The following ADAMTS17 variants were observed in gnomAD, a reference collection of about 807,000 sequenced individuals.
ADAMTS17 encodes the protein ADAM metallopeptidase with thrombospondin type 1 motif 17.
ADAMTS17 carries 113 observed loss-of-function variants against 141.5 expected under a neutral mutation model. The ratio of observed to expected loss-of-function variants is 0.80; its 90% confidence interval spans 0.69 to 0.93. The LOEUF (loss-of-function observed/expected upper bound fraction) is 0.93. Among genes scored for constraint, ADAMTS17 ranks in the 40% least tolerant of loss-of-function variants. The pLI is 0.00. For missense variants in ADAMTS17, 1,659 were observed against 1,517.9 expected (o/e 1.09, Z -1.54); for synonymous variants, 768 against 630.6 (o/e 1.22, Z -3.27).
At chr15:100,147,419 A>C (rs2038960510) in intron 10 of ADAMTS17, among the ~76,000 whole-genome samples, 1 of 152,134 alleles carries the variant, frequency 6.6e-6, no homozygotes, top group Admixed American at 6.5e-5. Flanking sequence ...AACCTACTAC[A>C]CACCTAGGCT....
intron 20 of ADAMTS17, among the ~76,000 whole-genome samples, chr15:99,991,425 C>G (rs1473945058): frequency 6.6e-6 from 1 of 152,184 alleles, no homozygotes; most frequent in Non-Finnish European, 1.5e-5. Flanking sequence ...AAAAAAAGCT[C>G]ATCATCACTG....
chr15:100,183,939 C>T (rs1034694527), intron 8 of ADAMTS17, among the ~76,000 whole-genome samples: 2 of 152,154 alleles, frequency 1.3e-5, no homozygotes, highest in South Asian at 4.1e-4. Flanking sequence ...AAAGGCACTT[C>T]CCTGTGTTAC....
At chr15:100,258,326 TC>T in intron 6 of ADAMTS17, among the ~76,000 whole-genome samples, 1 of 152,332 alleles carries the variant, frequency 6.6e-6, no homozygotes, top group South Asian at 2.1e-4. Context: ...CATTTTACAT[TC>T]CCATCGATGG....
At chr15:100,180,257 C>T (rs994798196) in intron 8 of ADAMTS17, among the ~76,000 whole-genome samples, 6 of 152,202 alleles carry the variant, frequency 3.9e-5, no homozygotes, top group African/African-American at 1.4e-4. Context: ...TTCCCAGCCC[C>T]ACTTATTGAG....
chr15:100,041,635 C>T (rs1253040598), intron 18 of ADAMTS17, among the ~76,000 whole-genome samples: 1 of 152,194 alleles, frequency 6.6e-6, no homozygotes, highest in East Asian at 1.9e-4. Flanking sequence ...GCCATGCCTG[C>T]CAATGTCAGG....
chr15:100,164,954 G>A (rs1012300631), intron 8 of ADAMTS17, among the ~76,000 whole-genome samples: 5 of 152,164 alleles, frequency 3.3e-5, no homozygotes, highest in African/African-American at 4.8e-5. Context: ...CTCTCCATAG[G>A]AAGGGGATGA....
chr15:100,233,330 C>CA (rs34011548), intron 7 of ADAMTS17, among the ~76,000 whole-genome samples: 46,416 of 137,292 alleles, frequency 0.34, 7,684 homozygotes, highest in African/African-American at 0.43. Flanking sequence ...AACTCCATCT[C>CA]AAAAAAAAAA....
At chr15:100,112,967 A>G (rs1479628398) in intron 13 of ADAMTS17, among the ~76,000 whole-genome samples, 1 of 152,088 alleles carries the variant, frequency 6.6e-6, no homozygotes, top group African/African-American at 2.4e-5. Flanking sequence ...CAGCAGTTAG[A>G]AGGTCTTAGT....
chr15:100,161,671 C>G (rs1482433831), intron 8 of ADAMTS17, among the ~76,000 whole-genome samples: 2 of 152,200 alleles, frequency 1.3e-5, no homozygotes, highest in East Asian at 3.8e-4. Context: ...AGGGGAAATT[C>G]TCCAGTCAGT....
At chr15:99,975,529 C>T (rs1048347368) in intron 21 of ADAMTS17, among the ~76,000 whole-genome samples, 1 of 152,058 alleles carries the variant, frequency 6.6e-6, no homozygotes, top group African/African-American at 2.4e-5. Context: ...AAGTGCTCTT[C>T]TTCTCCTTGT....
intron 21 of ADAMTS17, 48 bp from the exon 22 acceptor site, chr15:99,974,610 A>G (rs370976322): frequency 6.0e-5 from 96 of 1,611,160 alleles, no homozygotes; most frequent in Middle Eastern, 1.6e-4. Context: ...TGGCCTAGGC[A>G]TGTCCTGATG....
At chr15:100,137,411 A>G (rs73470029) in intron 10 of ADAMTS17, among the ~76,000 whole-genome samples, 2,126 of 152,322 alleles carry the variant, frequency 0.014, 45 homozygotes, top group African/African-American at 0.047. Context: ...AAGAACTTCC[A>G]AAGGTAAAAT....
chr15:100,057,462 G>A (rs894458292), intron 15 of ADAMTS17, among the ~76,000 whole-genome samples: 9 of 152,148 alleles, frequency 5.9e-5, no homozygotes, highest in Admixed American at 2.0e-4. Flanking sequence ...CCACCAGCAC[G>A]GACCGGCTGA....
At chr15:100,273,218 G>T (rs1013470951) in intron 4 of ADAMTS17, among the ~76,000 whole-genome samples, 10 of 152,116 alleles carry the variant, frequency 6.6e-5, no homozygotes, top group Non-Finnish European at 1.3e-4. Context: ...CTCACAGAAT[G>T]AGTTAGGAAG....
In ADAMTS17 at chr15:100,001,369, T is replaced by A. The variant is rs947545103; in HGVS notation, c.2592-3780A>T. On this transcript the variant is annotated intron_variant, in intron 18 of 21. Coordinates refer to ENST00000268070, the MANE Select transcript of ADAMTS17 (RefSeq NM_139057.4). ...TCTCTTTTCCTTTTTTTTTTTTTTT[T>A]AAAGAAGGAAAGTGGTTGGAGCACA... 1.8e-3 allele frequency among the ~76,000 whole-genome samples: 243 copies of A among 138,194 alleles called. 1 individual carries two copies. Among genetic ancestry groups the A allele is most frequent in the African/African-American group, 6.0e-3 (230 of 38,250 alleles). 90.7% of individuals were successfully genotyped at this position (138,194 alleles called of 152,430 possible). A position where few individuals can be genotyped will look rare whatever the true frequency, so the allele number is the denominator to read the frequency against.
At chr15:100,026,159 C>A (rs2061511996) in intron 18 of ADAMTS17, among the ~76,000 whole-genome samples, 1 of 152,234 alleles carries the variant, frequency 6.6e-6, no homozygotes, top group African/African-American at 2.4e-5. Context: ...ACTCACAGAG[C>A]AGGCACTCTT....
chr15:100,212,530 C>T (rs1456530485), intron 7 of ADAMTS17, among the ~76,000 whole-genome samples: 2 of 152,118 alleles, frequency 1.3e-5, no homozygotes, highest in Non-Finnish European at 2.9e-5. Flanking sequence ...CCAAAGGGAT[C>T]CATAACCTCA....
intron 2 of ADAMTS17, 49 bp downstream of exon 2, chr15:100,340,990 G>C (rs1338540052): frequency 6.6e-7 from 1 of 1,514,800 alleles, no homozygotes; most frequent in Non-Finnish European, 8.8e-7. Flanking sequence ...CGACCACTCT[G>C]CGTCGCAACA....
At chr15:100,152,788 C>T in intron 9 of ADAMTS17, 26 bp from the exon 10 acceptor site, 1 of 1,613,798 alleles carries the variant, frequency 6.2e-7, no homozygotes, top group South Asian at 1.1e-5. Flanking sequence ...GGCAAGTTGA[C>T]TTGCAAATGT....
Sources: gnomAD v4.1 joint callset for allele counts (sites outside exome capture counted in the v4.1 genomes callset) on GRCh38, gnomAD v4.1.1 for gene constraint, MANE v1.5 for transcripts, NCBI Gene and HGNC (gene_info 2026-07-23, HGNC 2026-07-21) for gene names.